The following PIKFYVE variants were observed in gnomAD, a reference collection of about 807,000 sequenced individuals.
The protein encoded by PIKFYVE is phosphoinositide kinase, FYVE-type zinc finger containing, also known as 1-phosphatidylinositol 3-phosphate 5-kinase.
Under a neutral mutation model 257.9 loss-of-function variants are expected in PIKFYVE, and 122 were observed. That is an observed-to-expected ratio of 0.47 (90% CI 0.41 to 0.55). PIKFYVE has a LOEUF of 0.55. PIKFYVE is among the 20% of genes least tolerant of loss of function. The pLI, the probability that PIKFYVE is intolerant of heterozygous loss-of-function variation, is 0.00. For synonymous variants in PIKFYVE, 892 were observed against 868.9 expected (o/e 1.03, Z -0.47); for missense variants, 2,160 against 2,536.6 (o/e 0.85, Z 3.19).
At chr2:208,275,656 A>T (rs1384745681) in intron 3 of PIKFYVE, among the ~76,000 whole-genome samples, 1 of 152,206 alleles carries the variant, frequency 6.6e-6, no homozygotes, top group Non-Finnish European at 1.5e-5. Context: ...AATTCTTTGT[A>T]AACTTTAGAT....
At chr2:208,349,568 A>G (rs563675967) in intron 35 of PIKFYVE, among the ~76,000 whole-genome samples, 18 of 150,768 alleles carry the variant, frequency 1.2e-4, no homozygotes, top group Admixed American at 6.6e-4. Context: ...TAACTAGTAT[A>G]TAATTTTATG....
At chr2:208,272,807 T>C (rs1480043313) in intron 2 of PIKFYVE, among the ~76,000 whole-genome samples, 2 of 151,076 alleles carry the variant, frequency 1.3e-5, no homozygotes, top group African/African-American at 2.5e-5. Context: ...AAAAAAAAAC[T>C]ATTTTTTAGA....
intron 12 of PIKFYVE, among the ~76,000 whole-genome samples, chr2:208,306,231 T>C (rs759754191): frequency 6.6e-6 from 1 of 152,164 alleles, no homozygotes; most frequent in Non-Finnish European, 1.5e-5. Context: ...AAGATAGACA[T>C]CTTTATGGAA....
intron 20 of PIKFYVE, among the ~76,000 whole-genome samples, chr2:208,327,334 T>G (rs763030517): frequency 6.6e-6 from 1 of 152,202 alleles, no homozygotes; most frequent in Non-Finnish European, 1.5e-5. Flanking sequence ...GACCCAGGAC[T>G]CCAACTTTTT....
At chr2:208,286,562 G>A (rs1691601037) in intron 6 of PIKFYVE, among the ~76,000 whole-genome samples, 1 of 151,964 alleles carries the variant, frequency 6.6e-6, no homozygotes, top group Admixed American at 6.6e-5. Context: ...TTTTTGAGAC[G>A]GCCTTGCTCT....
At chr2:208,319,950 C>T (rs934713) in intron 16 of PIKFYVE, among the ~76,000 whole-genome samples, 2 of 151,772 alleles carry the variant, frequency 1.3e-5, no homozygotes, top group Admixed American at 1.3e-4. Context: ...CGTGCACACT[C>T]AGGGCATGAT....
chr2:208,349,327 ATTTG>A (rs1269350080), intron 35 of PIKFYVE, among the ~76,000 whole-genome samples: 2 of 152,206 alleles, frequency 1.3e-5, no homozygotes, highest in Non-Finnish European at 2.9e-5. Context: ...TTAGGGGACT[ATTTG>A]TTCTTCTAGA....
At chr2:208,347,694 A>C (rs553850289) in intron 34 of PIKFYVE, among the ~76,000 whole-genome samples, 165 bp from the exon 35 acceptor site, 10 of 152,070 alleles carry the variant, frequency 6.6e-5, no homozygotes, top group South Asian at 2.1e-4. Context: ...ATGTGAAACA[A>C]TAAGTAACAA....
intron 14 of PIKFYVE, 61 bp from the exon 15 acceptor site, chr2:208,315,132 C>T: frequency 7.0e-7 from 1 of 1,430,628 alleles, no homozygotes; most frequent in South Asian, 1.2e-5. Context: ...GTTTTATCAT[C>T]AGAATTATTG....
chr2:208,355,095 A>T (rs1033716299), intron 41 of PIKFYVE, 95 bp from the exon 42 acceptor site: 7 of 935,222 alleles, frequency 7.5e-6, no homozygotes, highest in Non-Finnish European at 1.2e-5. Context: ...GTGTATCTTT[A>T]TGGCAGTTTA....
Position 208,350,094 on chromosome 2 carries a change from G to A in PIKFYVE, c.5434+11G>A. 1 of 1,612,372 alleles carries A rather than the reference G, an allele frequency of 6.2e-7. No homozygotes were observed. The highest frequency in any genetic ancestry group is 8.5e-7 in the Non-Finnish European group (1 of 1,178,968). On this transcript the variant is annotated intron_variant, in intron 36 of 41. Coordinates refer to ENST00000264380, the MANE Select transcript of PIKFYVE (RefSeq NM_015040.4). ...CTCATGTGGAACTTCGTAAGTATGA[G>A]ATATTATATCATTGGTTTGGGGAGA...
intron 5 of PIKFYVE, among the ~76,000 whole-genome samples, chr2:208,284,325 G>C (rs1691250593): frequency 6.7e-6 from 1 of 149,138 alleles, no homozygotes. Context: ...CAGTGGCACA[G>C]TCTTGGCTCA....
rs1051475534 is a variant in PIKFYVE at position 208,304,374 on chromosome 2, A to G, written c.1468+56A>G. The G allele has an allele frequency of 1.9e-5, 30 of 1,570,038 alleles. No individual in the cohort carries two copies. In the East Asian group the frequency reaches 3.1e-4, roughly 16 times the overall value. On this transcript the variant is annotated intron_variant, in intron 11 of 41. Transcript: ENST00000264380. ...GATGGGTCATTGCTGTGTATGTATGATAAAATGATTATCTTGTTTGTTGAA... is the reference window on the plus strand; with the variant it reads ...GATGGGTCATTGCTGTGTATGTATGGTAAAATGATTATCTTGTTTGTTGAA...
intron 37 of PIKFYVE, 80 bp from the exon 38 acceptor site, chr2:208,351,272 T>G: frequency 1.7e-6 from 2 of 1,155,248 alleles, no homozygotes; most frequent in Non-Finnish European, 2.6e-6. Flanking sequence ...AACCTAATCA[T>G]TTAGGATCTT....
intron 36 of PIKFYVE, among the ~76,000 whole-genome samples, chr2:208,350,524 A>G (rs1402592833): frequency 6.6e-6 from 1 of 151,924 alleles, no homozygotes; most frequent in Admixed American, 6.6e-5. Context: ...TCTTTTTTTT[A>G]TGTGATTTTT....
intron 3 of PIKFYVE, among the ~76,000 whole-genome samples, chr2:208,274,489 C>T (rs1026664979): frequency 1.3e-5 from 2 of 152,160 alleles, no homozygotes; most frequent in East Asian, 1.9e-4. Flanking sequence ...CACCAGATCT[C>T]GTCTGGTGTG....
chr2:208,335,227 G>T (rs1443977216), intron 24 of PIKFYVE, 79 bp from the exon 25 acceptor site: 7 of 970,230 alleles, frequency 7.2e-6, no homozygotes, highest in Admixed American at 1.8e-5. Context: ...ATAGAATATA[G>T]TTGAACATCA....
At position 208,357,227 on chromosome 2, in the gene PIKFYVE, A is replaced by G. The variant is rs1025795057; in HGVS notation, c.*1922A>G. The G allele has an allele frequency of 6.6e-6, 1 of 152,238 alleles. No homozygotes were observed. The highest frequency in any genetic ancestry group is 1.5e-5 in the Non-Finnish European group (1 of 68,044). The allele number at this position is 152,238 out of a possible 1,614,324, so 9.4% of individuals were successfully genotyped here. A position where few individuals can be genotyped will look rare whatever the true frequency, so the allele number is the denominator to read the frequency against. ...ATTAACTTACTTTGTGTCTAGGAAC[A>G]ATGGATTTTGTATCTGATTTAAAAT... On this transcript the variant is annotated 3_prime_UTR_variant, in exon 42 of 42. Transcript: ENST00000264380.
rs769606654 is a variant in PIKFYVE, at chr2:208,340,087, A to C, written c.4887A>C (p.Ala1629=). 6.2e-7 allele frequency: 1 copy of C among 1,614,046 alleles called. No homozygotes were observed. Among genetic ancestry groups the C allele is most frequent in the Non-Finnish European group, 8.5e-7 (1 of 1,179,918 alleles). The change falls in exon 31 of 42, where the codon GCA becomes GCC. Residue 1629 remains alanine, a synonymous_variant. Transcript: ENST00000264380. ...KEKSTMKAIF[A]NLLPGNSYNP... ...AGTCAACCATGAAAGCCATCTTTGC[A>C]AATTTGCTTCCAGGAAATAGCTATA... is the stretch of plus-strand genomic sequence containing the variant.
Sources: allele counts gnomAD v4.1 joint callset (sites outside exome capture counted in the v4.1 genomes callset), GRCh38; gene constraint gnomAD v4.1.1; transcripts MANE v1.5; gene names NCBI Gene and HGNC (gene_info 2026-07-23, HGNC 2026-07-21).